MAPRE2: variants seen among roughly 807,000 people sequenced by gnomAD.
The protein encoded by MAPRE2 is microtubule associated protein RP/EB family member 2, also known as microtubule-associated protein RP/EB family member 2.
In MAPRE2, 13 loss-of-function variants were observed where a neutral mutation model predicts 43.2. The ratio of observed to expected loss-of-function variants is 0.30; its 90% CI spans 0.20 to 0.48. The LOEUF is 0.48. Ranked by LOEUF, MAPRE2 falls within the 20% of genes least tolerant of loss-of-function variation. The pLI is 0.99. For missense variants in MAPRE2, 161 were observed against 400.2 expected, an observed-to-expected ratio of 0.40 and a Z score of 5.10; for synonymous variants, 135 against 148.8, an observed-to-expected ratio of 0.91 and a Z score of 0.68.
At chr18:35,039,634 G>A (rs1315236733), upstream of MAPRE2, among the ~76,000 whole-genome samples, 2 of 152,126 alleles carry the variant, frequency 1.3e-5, no homozygotes, top group Non-Finnish European at 2.9e-5. Flanking sequence ...TTACCATCTG[G>A]GTTGTAAAAC....
At chr18:35,029,296 C>G (rs776702416) in intron 2 of MAPRE2, among the ~76,000 whole-genome samples, 1 of 152,162 alleles carries the variant, frequency 6.6e-6, no homozygotes, top group Non-Finnish European at 1.5e-5. Flanking sequence ...ACACTGCTTT[C>G]CAGCTGCCGG....
intron 6 of MAPRE2, among the ~76,000 whole-genome samples, chr18:35,133,892 C>T (rs1012618405): frequency 2.6e-5 from 4 of 152,190 alleles, no homozygotes; most frequent in African/African-American, 9.7e-5. Flanking sequence ...ATACCCATCA[C>T]CACCCGACCC....
chr18:35,110,466 G>A (rs149477012), intron 4 of MAPRE2, among the ~76,000 whole-genome samples: 320 of 152,120 alleles, frequency 2.1e-3, no homozygotes, highest in African/African-American at 7.4e-3. Context: ...AGATGGTTAT[G>A]CTTTAAACAG....
chr18:35,098,958 G>T (rs370372685), intron 3 of MAPRE2, among the ~76,000 whole-genome samples: 13 of 152,206 alleles, frequency 8.5e-5, no homozygotes, highest in African/African-American at 2.7e-4. Flanking sequence ...CAAAAGTACG[G>T]TGAGAGACAG....
At chr18:35,083,563 G>A (rs545601280) in intron 2 of MAPRE2, among the ~76,000 whole-genome samples, 1 of 152,214 alleles carries the variant, frequency 6.6e-6, no homozygotes, top group East Asian at 1.9e-4. Context: ...ATTTTGTCCT[G>A]CACACCATTC....
chr18:35,097,300 G>A (rs1284691309), intron 2 of MAPRE2, 146 bp from the exon 3 acceptor site: 2 of 678,296 alleles, frequency 2.9e-6, no homozygotes, highest in East Asian at 2.5e-5. Context: ...TGTGGACAAG[G>A]AGATATAAGC....
intron 1 of MAPRE2, among the ~76,000 whole-genome samples, chr18:34,998,488 C>T (rs747237500): frequency 2.9e-4 from 44 of 151,810 alleles, no homozygotes; most frequent in South Asian, 2.1e-4. Context: ...CACCACACCC[C>T]GCTAATTTTT....
rs868864874 is a variant in MAPRE2, at chr18:35,041,459, A to G, written c.-81A>G. ...GCGGCAGGCACGGTCCGTGCGGAGC[A>G]GGCGAGCGAGCGGGAAGACGCAGCC... On this transcript the variant is annotated 5_prime_UTR_variant, in exon 1 of 7. Transcript: ENST00000300249. 3.1e-6 allele frequency: 5 copies of G among 1,609,036 alleles called. No homozygotes were observed. The East Asian group carries it at 6.7e-5, about 22-fold the overall frequency.
intron 1 of MAPRE2, among the ~76,000 whole-genome samples, chr18:35,059,654 A>T (rs190765153): frequency 6.6e-6 from 1 of 152,284 alleles, no homozygotes; most frequent in East Asian, 1.9e-4. Flanking sequence ...AGGGCAGAGT[A>T]GAGAGATGTG....
chr18:35,102,123 C>A lies in MAPRE2; in HGVS notation c.574C>A (p.Pro192Thr), dbSNP rs1202589749. The change falls in exon 4 of 7, where the codon CCA becomes ACA. Residue 192 changes from proline (P) to threonine (T), a missense_variant. By Grantham distance (38) the Pro-to-Thr change is conservative. Coordinates refer to ENST00000300249, the MANE Select transcript of MAPRE2 (RefSeq NM_014268.4). ...CCCTGGTGAACAGATCTTCAACCTG[C>A]CAAAAAAGTCTCACCATGCAAACTC... is the stretch of plus-strand genomic sequence containing the variant. ...PDPGEQIFNL[P>T]KKSHHANSPT... 1 of 1,603,278 alleles carries A rather than the reference C, an allele frequency of 6.2e-7. No homozygotes were observed. The highest frequency in any genetic ancestry group is 8.5e-7 in the Non-Finnish European group (1 of 1,176,462).
intron 2 of MAPRE2, among the ~76,000 whole-genome samples, chr18:35,014,587 G>C (rs1007328427): frequency 6.6e-6 from 1 of 152,024 alleles, no homozygotes; most frequent in African/African-American, 2.4e-5. Flanking sequence ...TGGGTTAAGA[G>C]TTGCAAATTG....
chr18:34,990,251 A>G (rs2097023088), intron 1 of MAPRE2, among the ~76,000 whole-genome samples: 1 of 152,102 alleles, frequency 6.6e-6, no homozygotes, highest in Non-Finnish European at 1.5e-5. Flanking sequence ...CTTCTCTGTG[A>G]ATAACTTCTG....
chr18:35,080,970 G>T (rs1172892654), intron 2 of MAPRE2, among the ~76,000 whole-genome samples: 1 of 152,182 alleles, frequency 6.6e-6, no homozygotes, highest in Non-Finnish European at 1.5e-5. Flanking sequence ...GCATATAAAT[G>T]TGAAACTAAT....
intron 4 of MAPRE2, among the ~76,000 whole-genome samples, chr18:35,105,425 G>A (rs570618304): frequency 5.6e-4 from 85 of 152,028 alleles, no homozygotes; most frequent in African/African-American, 2.0e-3. Context: ...ACTATACTGG[G>A]GGTATATCAC....
At chr18:35,083,880 A>T (rs1907753353) in intron 2 of MAPRE2, among the ~76,000 whole-genome samples, 1 of 152,210 alleles carries the variant, frequency 6.6e-6, no homozygotes, top group Non-Finnish European at 1.5e-5. Flanking sequence ...GCTATTTGTT[A>T]TATAGGTTTT....
chr18:34,989,964 T>C (rs556945551), intron 1 of MAPRE2, among the ~76,000 whole-genome samples: 1 of 152,304 alleles, frequency 6.6e-6, no homozygotes, highest in South Asian at 2.1e-4. Flanking sequence ...GGCCCATATT[T>C]GGTTTGCTTT....
At chr18:34,983,403 CAT>C (rs2097017405) in intron 1 of MAPRE2, among the ~76,000 whole-genome samples, 1 of 152,128 alleles carries the variant, frequency 6.6e-6, no homozygotes, top group Non-Finnish European at 1.5e-5. Context: ...AATGTGAAAA[CAT>C]GTCCTTAAGA....
At chr18:35,068,074 T>C (rs1006203743) in intron 1 of MAPRE2, among the ~76,000 whole-genome samples, 4 of 152,204 alleles carry the variant, frequency 2.6e-5, no homozygotes, top group Non-Finnish European at 5.9e-5. Context: ...TATTTTTACA[T>C]TTATTTCTAA....
upstream of MAPRE2, among the ~76,000 whole-genome samples, chr18:35,037,777 G>T (rs1283377437): frequency 1.3e-5 from 2 of 152,002 alleles, no homozygotes; most frequent in Admixed American, 1.3e-4. Context: ...TTCCATTTTA[G>T]ACCATCTTTG....
Sources: allele counts gnomAD v4.1 joint callset (sites outside exome capture counted in the v4.1 genomes callset), GRCh38; gene constraint gnomAD v4.1.1; transcripts MANE v1.5; gene names NCBI Gene and HGNC (gene_info 2026-07-23, HGNC 2026-07-21).